SPATS1: variants seen among roughly 807,000 people sequenced by gnomAD.
SPATS1 encodes the protein spermatogenesis-associated serine-rich protein 1.
A neutral mutation model predicts 33.6 loss-of-function variants in SPATS1; 23 were observed. That is an observed-to-expected ratio of 0.68 (90% CI 0.49 to 0.97). The LOEUF is 0.97. Among genes scored for constraint, SPATS1 ranks in the 50% least tolerant of loss-of-function variants. SPATS1 has a pLI of 0.00. For synonymous variants in SPATS1, 131 were observed against 125.6 expected (o/e 1.04, Z -0.29); for missense variants, 327 against 361.0 (o/e 0.91, Z 0.76).
intron 7 of SPATS1, among the ~76,000 whole-genome samples, chr6:44,375,079 C>A (rs770399305): frequency 6.6e-6 from 1 of 152,192 alleles, no homozygotes; most frequent in Non-Finnish European, 1.5e-5. Flanking sequence ...ACCTATTGGA[C>A]CACATGCAGC....
At chr6:44,374,535 G>C (rs1247647381) in intron 7 of SPATS1, among the ~76,000 whole-genome samples, 1 of 152,030 alleles carries the variant, frequency 6.6e-6, no homozygotes, top group East Asian at 1.9e-4. Context: ...TTGCTTTTAG[G>C]GTAGAATTGG....
intron 3 of SPATS1, among the ~76,000 whole-genome samples, chr6:44,356,852 T>C (rs1197827928): frequency 6.6e-6 from 1 of 152,186 alleles, no homozygotes; most frequent in Non-Finnish European, 1.5e-5. Flanking sequence ...AGGTCTAGCC[T>C]ATACTCAAAG....
chr6:44,376,105 C>CA (rs560465363), intron 7 of SPATS1, among the ~76,000 whole-genome samples: 2,617 of 142,144 alleles, frequency 0.018, 31 homozygotes, highest in African/African-American at 0.034. Flanking sequence ...GACTTTGTTT[C>CA]AAAAAAAAAA....
chr6:44,369,112 G>A (rs1050821606), intron 6 of SPATS1, among the ~76,000 whole-genome samples: 3 of 151,990 alleles, frequency 2.0e-5, no homozygotes, highest in Non-Finnish European at 2.9e-5. Context: ...TAGCCAGGAT[G>A]GTCTTGATCT....
chr6:44,353,115 G>T (rs1029731780), intron 3 of SPATS1, among the ~76,000 whole-genome samples: 8 of 152,156 alleles, frequency 5.3e-5, no homozygotes, highest in Non-Finnish European at 8.8e-5. Flanking sequence ...TTGTTGTGAG[G>T]ATTAATTGAG....
intron 5 of SPATS1, among the ~76,000 whole-genome samples, chr6:44,364,298 C>T (rs964729864): frequency 5.9e-5 from 9 of 152,180 alleles, no homozygotes; most frequent in African/African-American, 2.2e-4. Context: ...ATAAATGCCA[C>T]AATTTAAAAA....
intron 6 of SPATS1, among the ~76,000 whole-genome samples, chr6:44,369,826 T>C (rs1347517721): frequency 6.6e-6 from 1 of 151,950 alleles, no homozygotes; most frequent in Non-Finnish European, 1.5e-5. Flanking sequence ...GAGCTGAGAT[T>C]GTGCCACTGC....
chr6:44,370,999 G>C (rs997713378), intron 7 of SPATS1, among the ~76,000 whole-genome samples: 3 of 120,234 alleles, frequency 2.5e-5, no homozygotes, highest in African/African-American at 9.0e-5. Context: ...TTTTTTTCTT[G>C]AAGTACAAAG....
chr6:44,344,272 C>A (rs572630924), intron 2 of SPATS1, among the ~76,000 whole-genome samples: 215 of 152,200 alleles, frequency 1.4e-3, no homozygotes, highest in Non-Finnish European at 2.3e-3. Context: ...ATGAAAGACC[C>A]ATGGTGTCCT....
chr6:44,362,731 A>G (rs1788996072), intron 5 of SPATS1, among the ~76,000 whole-genome samples: 1 of 152,212 alleles, frequency 6.6e-6, no homozygotes, highest in South Asian at 2.1e-4. Context: ...AATAGTTTTG[A>G]GAATTGAGGC....
At chr6:44,347,328 C>A (rs1787954730) in intron 2 of SPATS1, among the ~76,000 whole-genome samples, 1 of 151,402 alleles carries the variant, frequency 6.6e-6, no homozygotes, top group South Asian at 2.1e-4. Context: ...AACTATGTAA[C>A]AAACCTGTAC....
intron 5 of SPATS1, among the ~76,000 whole-genome samples, chr6:44,363,530 G>A (rs892118738): frequency 2.0e-5 from 3 of 152,068 alleles, no homozygotes; most frequent in Admixed American, 6.6e-5. Flanking sequence ...ACTTATCACT[G>A]CCCTCCTGGC....
intron 3 of SPATS1, among the ~76,000 whole-genome samples, chr6:44,360,188 A>C (rs574347612): frequency 6.6e-6 from 1 of 151,880 alleles, no homozygotes; most frequent in Non-Finnish European, 1.5e-5. Context: ...GTCTGGTCTC[A>C]AACTCCTGGC....
intron 2 of SPATS1, among the ~76,000 whole-genome samples, 169 bp from the exon 3 acceptor site, chr6:44,352,557 T>C (rs535870016): frequency 3.3e-5 from 5 of 152,344 alleles, no homozygotes; most frequent in South Asian, 2.1e-4. Context: ...TGGGTTGTTA[T>C]AGGGATAAAT....
intron 2 of SPATS1, among the ~76,000 whole-genome samples, chr6:44,344,424 C>T (rs1421560611): frequency 3.6e-5 from 4 of 111,960 alleles, no homozygotes; most frequent in African/African-American, 1.1e-4. Context: ...TGTGTGTGTG[C>T]ATTTTTCCAT....
At chr6:44,346,015 C>G (rs1787857655) in intron 2 of SPATS1, among the ~76,000 whole-genome samples, 1 of 152,250 alleles carries the variant, frequency 6.6e-6, no homozygotes, top group Non-Finnish European at 1.5e-5. Context: ...GGGCCACGTA[C>G]AGTGTCTCAT....
chr6:44,364,863 C>T (rs1561958866), intron 5 of SPATS1, among the ~76,000 whole-genome samples: 1 of 150,718 alleles, frequency 6.6e-6, no homozygotes, highest in Non-Finnish European at 1.5e-5. Flanking sequence ...AGTAGCGTGA[C>T]CTTGGCTCAC....
intron 5 of SPATS1, among the ~76,000 whole-genome samples, chr6:44,364,730 T>C (rs1214941288): frequency 2.0e-5 from 3 of 152,118 alleles, no homozygotes; most frequent in African/African-American, 7.2e-5. Context: ...TTCTTTTCTT[T>C]CTTTCTTTTT....
At chr6:44,360,745 G>A (rs188319978) in intron 4 of SPATS1, among the ~76,000 whole-genome samples, 175 bp downstream of exon 4, 1 of 152,190 alleles carries the variant, frequency 6.6e-6, no homozygotes. Flanking sequence ...AAAATAAAAT[G>A]CCTTTATATA....
Sources: allele counts gnomAD v4.1 joint callset (sites outside exome capture counted in the v4.1 genomes callset), GRCh38; gene constraint gnomAD v4.1.1; transcripts MANE v1.5; gene names NCBI Gene and HGNC (gene_info 2026-07-23, HGNC 2026-07-21).